Variants in KIAA0319 observed in about 807,000 individuals in gnomAD.
KIAA0319 encodes the protein KIAA0319.
A neutral mutation model predicts 108.4 loss-of-function variants in KIAA0319; 83 were observed. The observed-to-expected ratio is 0.77, with a 90% CI of 0.64 to 0.92. The LOEUF is 0.92. KIAA0319 is among the 40% of genes least tolerant of loss of function. KIAA0319 has a pLI of 0.00. For missense variants in KIAA0319, 1,195 were observed against 1,322.4 expected, an observed-to-expected ratio of 0.90 and a Z score of 1.49; for synonymous variants, 484 against 510.4, an observed-to-expected ratio of 0.95 and a Z score of 0.70.
At chr6:24,607,900 T>G (rs1344221492) in intron 1 of KIAA0319, among the ~76,000 whole-genome samples, 3 of 152,170 alleles carry the variant, frequency 2.0e-5, no homozygotes, top group Admixed American at 1.3e-4. Flanking sequence ...AACTTTGCAG[T>G]CCCCAACTGT....
intron 11 of KIAA0319, 85 bp downstream of exon 11, chr6:24,572,490 C>G (rs887797784): frequency 1.3e-6 from 2 of 1,487,146 alleles, no homozygotes; most frequent in African/African-American, 2.8e-5. Context: ...CCGGTACCAC[C>G]AAGTGTGGCA....
At chr6:24,568,132 A>T (rs896190805) in intron 13 of KIAA0319, among the ~76,000 whole-genome samples, 8 of 152,180 alleles carry the variant, frequency 5.3e-5, no homozygotes, top group African/African-American at 1.9e-4. Flanking sequence ...CTCAGGCTGC[A>T]GCCACTCTCC....
In KIAA0319 at chr6:24,556,710, A is replaced by G. The variant is rs944241694; in HGVS notation, c.2754T>C (p.Ser918=). ...VDTAGCLLKC[S]GHGHCDPLTK... ...TGAGGGGGTCGCAGTGACCATGGCC[A>G]GAACACTTCAGAAGGCAACCTGCAA... is the stretch of plus-strand genomic sequence containing the variant. The change falls in exon 18 of 21, where the codon TCT becomes TCC. Residue 918 remains serine, a synonymous_variant. Transcript: ENST00000378214. 3.0e-5 allele frequency: 49 copies of G among 1,613,856 alleles called. No individual in the cohort carries two copies. Among genetic ancestry groups the G allele is most frequent in the Non-Finnish European group, 4.2e-5 (49 of 1,179,944 alleles).
chr6:24,613,820 C>A (rs1772744261), intron 1 of KIAA0319, among the ~76,000 whole-genome samples: 1 of 152,056 alleles, frequency 6.6e-6, no homozygotes, highest in Admixed American at 6.5e-5. Context: ...TGCTCTGAGA[C>A]AAATTATTTT....
chr6:24,571,812 A>G lies in KIAA0319; in HGVS notation c.1858+763T>C, dbSNP rs2817197. On this transcript the variant is annotated intron_variant, in intron 11 of 20. Coordinates refer to ENST00000378214, the MANE Select transcript of KIAA0319 (RefSeq NM_014809.4). ...TGACTTGTGCTTCAACCTTGAGCTC[A>G]TGTACGAGCTCTTTGCAGATGCATC... Among the ~76,000 whole-genome samples, 1,257 of 152,242 alleles carry G rather than the reference A, an allele frequency of 8.3e-3. 16 individuals are homozygous for G. The highest frequency in any genetic ancestry group is 0.029 in the African/African-American group (1,187 of 41,528).
At chr6:24,634,872 T>C (rs1775997761) in intron 1 of KIAA0319, among the ~76,000 whole-genome samples, 1 of 152,124 alleles carries the variant, frequency 6.6e-6, no homozygotes, top group East Asian at 1.9e-4. Context: ...AGCTTCAATA[T>C]TTAAAGGGGA....
At position 24,547,083 on chromosome 6, in the gene KIAA0319, A is replaced by G; in HGVS notation, c.*82T>C. ...GGGAAGAAGGTCAATGAACTATTCT[A>G]AAAGAGTGGGTTTTGTGCTGTAACT... On this transcript the variant is annotated 3_prime_UTR_variant, in exon 21 of 21. Coordinates refer to ENST00000378214, the MANE Select transcript of KIAA0319 (RefSeq NM_014809.4). The G allele has an allele frequency of 2.1e-6, 3 of 1,416,212 alleles. No individual in the cohort carries two copies. The highest frequency in any genetic ancestry group is 1.8e-4 in the Middle Eastern group (1 of 5,588). 87.7% of individuals were successfully genotyped at this position (1,416,212 alleles called of 1,614,324 possible).
intron 16 of KIAA0319, among the ~76,000 whole-genome samples, chr6:24,561,663 C>T (rs974071013): frequency 6.6e-6 from 1 of 152,022 alleles, no homozygotes; most frequent in Admixed American, 6.5e-5. Context: ...TCACCTCAGC[C>T]TCCTGGGTAG....
intron 16 of KIAA0319, among the ~76,000 whole-genome samples, chr6:24,561,891 C>T (rs986708339): frequency 3.3e-5 from 5 of 152,128 alleles, no homozygotes; most frequent in African/African-American, 1.2e-4. Context: ...TTAGTAGAGA[C>T]GAGGTTTCGC....
intron 3 of KIAA0319, among the ~76,000 whole-genome samples, chr6:24,590,345 C>G (rs955199192): frequency 6.0e-5 from 9 of 149,802 alleles, no homozygotes; most frequent in Middle Eastern, 7.1e-3. Flanking sequence ...CTGTATTGAT[C>G]AAACTAAGGG....
chr6:24,556,258 G>A (rs1762275587), intron 18 of KIAA0319, among the ~76,000 whole-genome samples: 1 of 139,890 alleles, frequency 7.1e-6, no homozygotes, highest in African/African-American at 2.7e-5. Flanking sequence ...TCCACTCACT[G>A]CAGACTCAAC....
chr6:24,552,684 C>T (rs2127417161), intron 19 of KIAA0319, among the ~76,000 whole-genome samples: 2 of 152,290 alleles, frequency 1.3e-5, no homozygotes, highest in South Asian at 4.1e-4. Flanking sequence ...CAGCTCACTG[C>T]AACCTCTTCC....
chr6:24,638,577 G>A (rs1407308089), intron 1 of KIAA0319, among the ~76,000 whole-genome samples: 1 of 152,052 alleles, frequency 6.6e-6, no homozygotes, highest in Non-Finnish European at 1.5e-5. Flanking sequence ...TGGCTAACAT[G>A]GTGAAAACCT....
At chr6:24,574,364 G>A (rs1271499826) in intron 10 of KIAA0319, among the ~76,000 whole-genome samples, 1 of 151,866 alleles carries the variant, frequency 6.6e-6, no homozygotes, top group Non-Finnish European at 1.5e-5. Flanking sequence ...TTGAGCCCAG[G>A]AGATCAAGGC....
Position 24,588,798 on chromosome 6 carries a change from T to C in KIAA0319, c.802-13A>G, listed in dbSNP as rs1767972402. On this transcript the variant is annotated splice_polypyrimidine_tract_variant and intron_variant, in intron 3 of 20. Coordinates refer to ENST00000378214, the MANE Select transcript of KIAA0319 (RefSeq NM_014809.4). The stretch of plus-strand genomic sequence containing the variant: ...AAGGCATTAGAACCTACGAGATCAA[T>C]TACAAGGATAAATTGTTATTAAAAA... 1 of 1,604,792 alleles carries C rather than the reference T, an allele frequency of 6.2e-7. No homozygotes were observed. The highest frequency in any genetic ancestry group is 8.5e-7 in the Non-Finnish European group (1 of 1,174,106).
intron 1 of KIAA0319, among the ~76,000 whole-genome samples, chr6:24,629,911 G>A (rs946940224): frequency 6.6e-6 from 1 of 152,140 alleles, no homozygotes; most frequent in African/African-American, 2.4e-5. Context: ...ACAAGGCCGG[G>A]CCTGGTGGCT....
At chr6:24,589,472 G>A (rs981763809) in intron 3 of KIAA0319, among the ~76,000 whole-genome samples, 5 of 152,124 alleles carry the variant, frequency 3.3e-5, no homozygotes, top group Non-Finnish European at 5.9e-5. Flanking sequence ...TAATCCCCAC[G>A]TGTCAAGGGA....
chr6:24,564,344 C>T lies in KIAA0319; in HGVS notation c.2293-4G>A, dbSNP rs374404340. 80 of 1,614,096 alleles carry T rather than the reference C, an allele frequency of 5.0e-5. No homozygotes were observed. Among genetic ancestry groups the T allele is most frequent in the African/African-American group, 1.5e-4 (11 of 75,056 alleles). ...GGTCAGAGCCATCGATGACATCCTG[C>T]GAAAGAACACGGATCACAGGGCAGC... On this transcript the variant is annotated splice_region_variant and splice_polypyrimidine_tract_variant and intron_variant, in intron 14 of 20. Coordinates refer to ENST00000378214, the MANE Select transcript of KIAA0319 (RefSeq NM_014809.4).
At chr6:24,623,241 G>A (rs1308847479) in intron 1 of KIAA0319, among the ~76,000 whole-genome samples, 4 of 151,788 alleles carry the variant, frequency 2.6e-5, no homozygotes, top group Admixed American at 6.6e-5. Context: ...ACACATACAC[G>A]CACACACACA....
Sources: gnomAD v4.1 joint callset for allele counts (sites outside exome capture counted in the v4.1 genomes callset) on GRCh38, gnomAD v4.1.1 for gene constraint, MANE v1.5 for transcripts, NCBI Gene and HGNC (gene_info 2026-07-23, HGNC 2026-07-21) for gene names.